Variants in MEMO1 observed in about 807,000 individuals in gnomAD.
MEMO1 encodes protein MEMO1.
A neutral mutation model predicts 45.2 loss-of-function variants in MEMO1; 6 were observed. That is an observed-to-expected ratio of 0.13 (90% confidence interval 0.07 to 0.26). The LOEUF is 0.26. Among genes scored for constraint, MEMO1 ranks in the 10% least tolerant of loss-of-function variants. The pLI is 1.00. For missense variants in MEMO1, 184 were observed against 370.5 expected (o/e 0.50, Z 4.13); for synonymous variants, 78 against 124.3 (o/e 0.63, Z 2.48).
chr2:31,887,196 A>G (rs867797769), intron 7 of MEMO1, among the ~76,000 whole-genome samples: 10 of 152,204 alleles, frequency 6.6e-5, no homozygotes, highest in Admixed American at 5.9e-4. Flanking sequence ...TGTCTGTTTA[A>G]CACACAACAA....
At chr2:31,869,550 G>T (rs372698454) in intron 9 of MEMO1, among the ~76,000 whole-genome samples, 7 of 152,034 alleles carry the variant, frequency 4.6e-5, no homozygotes, top group Admixed American at 1.3e-4. Context: ...TATCTCTTAA[G>T]AGGTCACTTT....
intron 3 of MEMO1, among the ~76,000 whole-genome samples, chr2:31,943,018 C>T (rs1038324100): frequency 3.9e-5 from 6 of 152,044 alleles, no homozygotes; most frequent in African/African-American, 1.4e-4. Flanking sequence ...GCAGGCCAGG[C>T]GTGAGCGAGA....
intron 7 of MEMO1, among the ~76,000 whole-genome samples, chr2:31,884,483 C>A (rs1464711883): frequency 6.6e-6 from 1 of 152,172 alleles, no homozygotes; most frequent in African/African-American, 2.4e-5. Context: ...CCAGTTACCA[C>A]CCTCACACCT....
chr2:32,000,251 C>CG (rs759318548), intron 2 of MEMO1, among the ~76,000 whole-genome samples: 3 of 149,276 alleles, frequency 2.0e-5, no homozygotes, highest in African/African-American at 2.5e-5. Flanking sequence ...TTTTTTGAGA[C>CG]GGAGTTTCAC....
At chr2:31,920,162 C>G (rs1294703016) in intron 5 of MEMO1, among the ~76,000 whole-genome samples, 1 of 150,256 alleles carries the variant, frequency 6.7e-6, no homozygotes, top group African/African-American at 2.5e-5. Context: ...TTTAAAATTA[C>G]TCCCCCCCCC....
intron 2 of MEMO1, among the ~76,000 whole-genome samples, chr2:31,955,730 T>A (rs1486608872): frequency 1.3e-5 from 2 of 152,050 alleles, no homozygotes; most frequent in Non-Finnish European, 2.9e-5. Flanking sequence ...TGCCTCAGCC[T>A]CCCCAGTAGC....
chr2:31,954,430 C>T (rs773238544), intron 2 of MEMO1, among the ~76,000 whole-genome samples: 1 of 152,050 alleles, frequency 6.6e-6, no homozygotes, highest in East Asian at 1.9e-4. Flanking sequence ...CATACCAAGA[C>T]CTTGTCTCTA....
At chr2:31,916,935 T>C (rs1453295089) in intron 6 of MEMO1, among the ~76,000 whole-genome samples, 4 of 152,078 alleles carry the variant, frequency 2.6e-5, no homozygotes, top group Non-Finnish European at 5.9e-5. Context: ...CATACATATT[T>C]AGGGTAAAAA....
intron 8 of MEMO1, among the ~76,000 whole-genome samples, chr2:31,870,295 G>C (rs544300969): frequency 4.6e-5 from 7 of 152,166 alleles, no homozygotes; most frequent in African/African-American, 1.7e-4. Flanking sequence ...ATACACAAAA[G>C]TAAATCTGCT....
intron 2 of MEMO1, among the ~76,000 whole-genome samples, chr2:31,974,422 C>T (rs765615000): frequency 6.6e-6 from 1 of 152,112 alleles, no homozygotes; most frequent in Non-Finnish European, 1.5e-5. Flanking sequence ...TATACTTTTC[C>T]AATGACTCAA....
intron 4 of MEMO1, among the ~76,000 whole-genome samples, chr2:31,922,233 T>C (rs1682424174): frequency 6.6e-6 from 1 of 152,162 alleles, no homozygotes; most frequent in Non-Finnish European, 1.5e-5. Flanking sequence ...AATGTATTTA[T>C]TCTCATAAAA....
chr2:31,920,509 G>C (rs529327056), intron 5 of MEMO1, among the ~76,000 whole-genome samples: 142 of 152,148 alleles, frequency 9.3e-4, no homozygotes, highest in African/African-American at 3.4e-3. Context: ...CTAATTTTTT[G>C]TCTCCTGGTA....
At chr2:31,869,161 T>G (rs1673293096) in intron 9 of MEMO1, among the ~76,000 whole-genome samples, 1 of 152,172 alleles carries the variant, frequency 6.6e-6, no homozygotes, top group Admixed American at 6.5e-5. Flanking sequence ...GGTCCTAACT[T>G]AGTCTATTCT....
At chr2:31,901,374 C>CAAAAAAAAAAAAA (rs70964738) in intron 6 of MEMO1, among the ~76,000 whole-genome samples, 2 of 22,692 alleles carry the variant, frequency 8.8e-5, no homozygotes, top group African/African-American at 1.3e-4. Context: ...CTCTGTCTCA[C>CAAAAAAAAAAAAA]AAAAAAAAAA....
At chr2:31,927,862 G>C (rs1683341714) in intron 4 of MEMO1, among the ~76,000 whole-genome samples, 1 of 152,088 alleles carries the variant, frequency 6.6e-6, no homozygotes, top group Admixed American at 6.5e-5. Context: ...CTGAAACCAA[G>C]ATGTTTGAGA....
At chr2:31,883,336 A>T (rs1675693387) in intron 8 of MEMO1, 50 bp downstream of exon 8, 1 of 1,263,858 alleles carries the variant, frequency 7.9e-7, no homozygotes, top group African/African-American at 1.5e-5. Context: ...CTAATCTGAA[A>T]TTAAAGAAAA....
At chr2:31,914,883 G>C (rs1427730996) in intron 6 of MEMO1, among the ~76,000 whole-genome samples, 1 of 151,332 alleles carries the variant, frequency 6.6e-6, no homozygotes, top group Non-Finnish European at 1.5e-5. Context: ...CTTGAGCCTA[G>C]GAGTTCAAGG....
chr2:31,951,426 C>T (rs765704039), intron 2 of MEMO1, among the ~76,000 whole-genome samples: 8 of 151,774 alleles, frequency 5.3e-5, no homozygotes, highest in Non-Finnish European at 7.4e-5. Flanking sequence ...GTGAAAAATT[C>T]ATCAAAAATC....
At chr2:31,930,811 A>ATTTTTTTTTTTTTTTTTTT (rs376524077) in intron 4 of MEMO1, among the ~76,000 whole-genome samples, 24 of 126,086 alleles carry the variant, frequency 1.9e-4, no homozygotes, top group Middle Eastern at 4.1e-3. Flanking sequence ...ACGCCTGGCA[A>ATTTTTTTTTTTTTTTTTTT]TTTTTTTTTT....
Sources: gnomAD v4.1 joint callset for allele counts (sites outside exome capture counted in the v4.1 genomes callset) on GRCh38, gnomAD v4.1.1 for gene constraint, MANE v1.5 for transcripts, NCBI Gene and HGNC (gene_info 2026-07-23, HGNC 2026-07-21) for gene names.